The following PLK2 variants were observed in gnomAD, a reference collection of about 807,000 sequenced individuals.
PLK2 encodes polo like kinase 2.
PLK2 carries 25 observed loss-of-function variants against 78.1 expected under a neutral mutation model. The observed-to-expected ratio is 0.32, with a 90% CI of 0.23 to 0.45. The LOEUF (loss-of-function observed/expected upper bound fraction) is 0.45, where lower values mean the gene tolerates loss of function less well. Among genes scored for constraint, PLK2 ranks in the 20% least tolerant of loss-of-function variants. PLK2 has a pLI of 1.00. For missense variants in PLK2, 566 were observed against 840.2 expected (o/e 0.67, Z 4.04); for synonymous variants, 332 against 298.2 (o/e 1.11, Z -1.17).
rs1237372094 is a variant in PLK2, at chr5:58,455,107, C to G, written c.1756-86G>C. On this transcript the variant is annotated intron_variant, in intron 12 of 13. Coordinates refer to ENST00000274289, the MANE Select transcript of PLK2 (RefSeq NM_006622.4). The stretch of plus-strand genomic sequence containing the variant: ...ATTATTCTAAGAAAATCCTCTCAAA[C>G]TTAAGCAAGCATCAGAATGGCTTTG... 2.6e-6 allele frequency: 3 copies of G among 1,144,014 alleles called. No homozygotes were observed. The African/African-American group carries it at 4.6e-5, about 18-fold the overall frequency. The allele number at this position is 1,144,014 out of a possible 1,614,324, so 70.9% of individuals were successfully genotyped here. A position where few individuals can be genotyped will look rare whatever the true frequency, so the allele number is the denominator to read the frequency against.
In PLK2 at chr5:58,454,851, C is replaced by T. The variant is rs746580661; in HGVS notation, c.1866+60G>A. 824 of 1,453,956 alleles carry T rather than the reference C, an allele frequency of 5.7e-4. 2 individuals carry two copies. The highest frequency in any genetic ancestry group is 9.2e-4 in the Admixed American group (54 of 58,910). The allele number at this position is 1,453,956 out of a possible 1,614,324, so 90.1% of individuals were successfully genotyped here. A position where few individuals can be genotyped will look rare whatever the true frequency, so the allele number is the denominator to read the frequency against. ...AAAGTTCAGTCAATCACTAAACTGT[C>T]TAGGTACAAATCTTTCTGTTTAGGA... On this transcript the variant is annotated intron_variant, in intron 13 of 13. Transcript: ENST00000274289.
Position 58,454,537 on chromosome 5 carries a change from T to C in PLK2, c.*46A>G. The C allele has an allele frequency of 7.7e-7, 1 of 1,304,338 alleles. No homozygotes were observed. Among genetic ancestry groups the C allele is most frequent in the Non-Finnish European group, 1.1e-6 (1 of 924,094 alleles). The allele number at this position is 1,304,338 out of a possible 1,614,324, so 80.8% of individuals were successfully genotyped here. On this transcript the variant is annotated 3_prime_UTR_variant, in exon 14 of 14. Transcript: ENST00000274289. ...CATTCTTTTGGCTTCCCTGTAGATC[T>C]CACAGTGGAAAAGAGGAGTCCCATA... is the stretch of plus-strand genomic sequence containing the variant.
chr5:58,458,318 A>T, intron 4 of PLK2, 81 bp downstream of exon 4: 2 of 1,483,258 alleles, frequency 1.3e-6, no homozygotes, highest in Non-Finnish European at 1.9e-6. Context: ...ATCCCAATTA[A>T]GAACATTAAT....
At position 58,455,634 on chromosome 5, in the gene PLK2, G is replaced by A; in HGVS notation, c.1530C>T (p.Tyr510=). 6.2e-7 allele frequency: 1 copy of A among 1,614,028 alleles called. No individual in the cohort carries two copies. Among genetic ancestry groups the A allele is most frequent in the Admixed American group, 1.7e-5 (1 of 59,964 alleles). ...GGTACCCAAAGCCATATTTGTTAGAGTAATCAACCCATTTGGTGACCCACT... is the reference window on the plus strand; with the variant it reads ...GGTACCCAAAGCCATATTTGTTAGAATAATCAACCCATTTGGTGACCCACT... ...SFQWVTKWVD[Y]SNKYGFGYQL... Residue 510 remains tyrosine, a synonymous_variant, in exon 11 of 14, where the codon TAC becomes TAT. Coordinates refer to ENST00000274289, the MANE Select transcript of PLK2 (RefSeq NM_006622.4).
chr5:58,454,846 A>C (rs1281874497), intron 13 of PLK2, 65 bp downstream of exon 13: 1 of 1,461,754 alleles, frequency 6.8e-7, no homozygotes, highest in African/African-American at 1.4e-5. Context: ...CAATCACTAA[A>C]CTGTCTAGGT....
At chr5:58,458,317 A>G in intron 4 of PLK2, 82 bp downstream of exon 4, 2 of 1,477,474 alleles carry the variant, frequency 1.4e-6, no homozygotes, top group Non-Finnish European at 1.9e-6. Flanking sequence ...GATCCCAATT[A>G]AGAACATTAA....
At position 58,455,726 on chromosome 5, in the gene PLK2, G is replaced by A. The variant is rs1463906111; in HGVS notation, c.1438C>T (p.Arg480Trp). 8.1e-6 allele frequency: 13 copies of A among 1,613,936 alleles called. No individual in the cohort carries two copies. Among genetic ancestry groups the A allele is most frequent in the Admixed American group, 3.3e-5 (2 of 60,000 alleles). The part of the protein sequence containing the change: ...SVADTVARVL[R>W]GCLENMPEAD... Reference sequence around the variant, plus strand: ...TCCGGCATGTTTTCCAGACATCCCCGAAGAACCCTTGCCACTGTGTCTGCA... The same window carrying A: ...TCCGGCATGTTTTCCAGACATCCCCAAAGAACCCTTGCCACTGTGTCTGCA... Residue 480 changes from arginine (R) to tryptophan (W), a missense_variant, in exon 11 of 14, where the codon CGG becomes TGG. Physicochemically the swap from Arg to Trp is moderately radical, Grantham distance 101. Coordinates refer to ENST00000274289, the MANE Select transcript of PLK2 (RefSeq NM_006622.4).
intron 6 of PLK2, 37 bp downstream of exon 6, chr5:58,457,451 G>T: frequency 1.3e-6 from 2 of 1,582,872 alleles, no homozygotes; most frequent in South Asian, 2.2e-5. Context: ...ATCTAAATCC[G>T]AATTTGCTTT....
intron 8 of PLK2, 85 bp downstream of exon 8, chr5:58,456,860 T>C (rs1743619615): frequency 1.2e-6 from 1 of 865,152 alleles, no homozygotes; most frequent in African/African-American, 1.7e-5. Context: ...CAAGTTATGC[T>C]AATATAAAAT....
rs1364118835 is a variant in PLK2, at chr5:58,454,416, A to G, written c.*167T>C. 2.2e-5 allele frequency: 12 copies of G among 551,936 alleles called. No homozygotes were observed. Among genetic ancestry groups the G allele is most frequent in the Non-Finnish European group, 3.2e-6 (1 of 310,058 alleles). The allele number at this position is 551,936 out of a possible 1,614,324, so 34.2% of individuals were successfully genotyped here. ...TGGATTGTCCAAAGTCAAGAACTGT[A>G]TGCCTTAGCCTGTTCTGGTTCCAAC... On this transcript the variant is annotated 3_prime_UTR_variant, in exon 14 of 14. Transcript: ENST00000274289.
intron 1 of PLK2, 79 bp downstream of exon 1, chr5:58,459,610 AC>A (rs1431529859): frequency 1.6e-6 from 2 of 1,255,246 alleles, no homozygotes; most frequent in African/African-American, 3.1e-5. Context: ...CGGGCGAGGG[AC>A]CCCGCGGGCT....
In PLK2 at chr5:58,456,163, G is replaced by C; in HGVS notation, c.1255-8C>G. 1 of 1,607,398 alleles carries C rather than the reference G, an allele frequency of 6.2e-7. No homozygotes were observed. Among genetic ancestry groups the C allele is most frequent in the Non-Finnish European group, 8.5e-7 (1 of 1,178,120 alleles). ...GGTAGGTGGCTGGAGCTCCTTAGAA[G>C]AGAGAAGATTTATGCAATGAGTCAA... On this transcript the variant is annotated splice_region_variant and splice_polypyrimidine_tract_variant and intron_variant, in intron 9 of 13. Coordinates refer to ENST00000274289, the MANE Select transcript of PLK2 (RefSeq NM_006622.4).
At chr5:58,456,312 C>T in intron 9 of PLK2, 157 bp from the exon 10 acceptor site, 1 of 794,522 alleles carries the variant, frequency 1.3e-6, no homozygotes, top group Non-Finnish European at 2.0e-6. Context: ...AACTCACTTG[C>T]ATGCACTGTA....
intron 1 of PLK2, 48 bp from the exon 2 acceptor site, chr5:58,459,140 G>A (rs766449356): frequency 1.3e-5 from 12 of 912,232 alleles, no homozygotes; most frequent in Admixed American, 1.9e-5. Context: ...CACAAAAATG[G>A]ACGGCAGATA....
intron 12 of PLK2, 89 bp downstream of exon 12, chr5:58,455,196 C>G: frequency 6.9e-7 from 1 of 1,459,600 alleles, no homozygotes; most frequent in Non-Finnish European, 9.5e-7. Flanking sequence ...TCAGGAGAAT[C>G]TGTTTCTAAC....
intron 9 of PLK2, 122 bp from the exon 10 acceptor site, chr5:58,456,277 A>T: frequency 1.0e-6 from 1 of 958,162 alleles, no homozygotes; most frequent in Non-Finnish European, 1.6e-6. Context: ...CAATGGACAC[A>T]AGCCAGATAA....
At chr5:58,456,460 G>GT in intron 9 of PLK2, 32 bp downstream of exon 9, 16 of 1,211,186 alleles carry the variant, frequency 1.3e-5, no homozygotes, top group Non-Finnish European at 1.9e-5. Context: ...AACGTAAAGC[G>GT]TGAGTATCTA....
chr5:58,454,884 G>A (rs201825345), intron 13 of PLK2, 27 bp downstream of exon 13: 18 of 1,500,792 alleles, frequency 1.2e-5, no homozygotes, highest in Middle Eastern at 3.4e-4. Context: ...GGACCTAAAC[G>A]TGCACTTTCC....
At chr5:58,455,878 A>G (rs1743586920) in intron 10 of PLK2, 99 bp from the exon 11 acceptor site, 1 of 1,499,342 alleles carries the variant, frequency 6.7e-7, no homozygotes, top group Non-Finnish European at 9.1e-7. Flanking sequence ...AATTCGAAAG[A>G]CATAGAACTC....
Sources: allele counts gnomAD v4.1 joint callset, GRCh38; gene constraint gnomAD v4.1.1; transcripts MANE v1.5; gene names NCBI Gene and HGNC (gene_info 2026-07-23, HGNC 2026-07-21).